Variants in NPAS3 observed in about 807,000 individuals in gnomAD.
NPAS3 encodes neuronal PAS domain-containing protein 3.
Under a neutral mutation model 73.1 loss-of-function variants are expected in NPAS3, and 14 were observed. The observed-to-expected ratio is 0.19, with a 90% CI of 0.13 to 0.30. The LOEUF (loss-of-function observed/expected upper bound fraction) is 0.30, where lower values mean the gene tolerates loss of function less well. Among genes scored for constraint, NPAS3 ranks in the 10% least tolerant of loss-of-function variants. The probability of loss-of-function intolerance (pLI) is 1.00; values close to 1 mark genes in which losing one functional copy is unlikely to be tolerated. For synonymous variants in NPAS3, 620 were observed against 541.5 expected (o/e 1.14, Z -2.01); for missense variants, 1,096 against 1,250.0 (o/e 0.88, Z 1.86).
intron 1 of NPAS3, among the ~76,000 whole-genome samples, chr14:32,943,169 C>T (rs1007389260): frequency 2.6e-5 from 4 of 151,498 alleles, no homozygotes; most frequent in African/African-American, 7.3e-5. Flanking sequence ...CAACATTATT[C>T]GATACTTTTT....
intron 7 of NPAS3, among the ~76,000 whole-genome samples, chr14:33,740,537 C>T (rs1183288780): frequency 3.9e-5 from 6 of 152,238 alleles, no homozygotes; most frequent in African/African-American, 7.2e-5. Context: ...CACTAGAGAT[C>T]CTGCTAGTTG....
At chr14:33,602,111 T>A (rs2057416273) in intron 5 of NPAS3, among the ~76,000 whole-genome samples, 1 of 152,064 alleles carries the variant, frequency 6.6e-6, no homozygotes, top group African/African-American at 2.4e-5. Context: ...TTAGCTAGAA[T>A]TCAAGGGGCA....
chr14:33,134,898 G>A (rs1405591087), intron 2 of NPAS3, among the ~76,000 whole-genome samples: 1 of 151,788 alleles, frequency 6.6e-6, no homozygotes, highest in Non-Finnish European at 1.5e-5. Flanking sequence ...TAAAGGAGAG[G>A]CATTCACAGG....
intron 4 of NPAS3, among the ~76,000 whole-genome samples, chr14:33,507,176 C>A (rs781611274): frequency 7.2e-5 from 11 of 151,912 alleles, no homozygotes; most frequent in Non-Finnish European, 1.3e-4. Flanking sequence ...AAGGATATTT[C>A]TGATATATTT....
chr14:33,034,367 T>C (rs2040093929), intron 1 of NPAS3, among the ~76,000 whole-genome samples: 1 of 151,816 alleles, frequency 6.6e-6, no homozygotes, highest in Non-Finnish European at 1.5e-5. Flanking sequence ...GTGATAAATA[T>C]TATTTATACT....
At chr14:33,092,417 T>C (rs1312910457) in intron 2 of NPAS3, among the ~76,000 whole-genome samples, 1 of 152,172 alleles carries the variant, frequency 6.6e-6, no homozygotes, top group East Asian at 1.9e-4. Context: ...ACAAGGGATG[T>C]GGAGGACCTC....
chr14:32,972,738 G>C (rs1256568553), intron 1 of NPAS3, among the ~76,000 whole-genome samples: 1 of 152,166 alleles, frequency 6.6e-6, no homozygotes, highest in Non-Finnish European at 1.5e-5. Context: ...ATATTTCTTT[G>C]TTGAACAAAA....
intron 5 of NPAS3, among the ~76,000 whole-genome samples, chr14:33,659,587 A>G (rs1406714094): frequency 2.6e-5 from 4 of 152,212 alleles, no homozygotes; most frequent in Non-Finnish European, 2.9e-5. Flanking sequence ...TTTCTAAATG[A>G]CACAATTAAA....
intron 4 of NPAS3, among the ~76,000 whole-genome samples, chr14:33,531,486 C>T (rs540417357): frequency 2.6e-5 from 4 of 152,198 alleles, no homozygotes; most frequent in Non-Finnish European, 4.4e-5. Context: ...TTTCACTCAG[C>T]GTAATGCACT....
chr14:33,206,392 C>G (rs2046823707), intron 2 of NPAS3, among the ~76,000 whole-genome samples: 1 of 152,108 alleles, frequency 6.6e-6, no homozygotes, highest in African/African-American at 2.4e-5. Flanking sequence ...GCTTTTAGCA[C>G]CTAAAGTCCA....
intron 3 of NPAS3, among the ~76,000 whole-genome samples, chr14:33,216,387 A>G (rs1489636995): frequency 1.3e-5 from 2 of 152,176 alleles, no homozygotes; most frequent in Non-Finnish European, 2.9e-5. Flanking sequence ...GGGAGCTGTA[A>G]TCTTTTGTAG....
chr14:33,348,619 G>T (rs932373473), intron 3 of NPAS3, among the ~76,000 whole-genome samples: 3 of 152,044 alleles, frequency 2.0e-5, no homozygotes, highest in African/African-American at 7.2e-5. Context: ...GTTTTTTAAA[G>T]ATCTTCTTGG....
intron 2 of NPAS3, among the ~76,000 whole-genome samples, chr14:33,148,301 C>A (rs1029189181): frequency 6.6e-6 from 1 of 152,102 alleles, no homozygotes; most frequent in African/African-American, 2.4e-5. Flanking sequence ...ACCCAAGGAA[C>A]AATGAGTATA....
chr14:33,221,228 A>G (rs1168902037), intron 3 of NPAS3, among the ~76,000 whole-genome samples: 1 of 152,168 alleles, frequency 6.6e-6, no homozygotes, highest in Non-Finnish European at 1.5e-5. Context: ...ATGTCTCTTA[A>G]TGGTGTGGCT....
At chr14:32,948,941 A>C (rs1446150182) in intron 1 of NPAS3, among the ~76,000 whole-genome samples, 2 of 152,050 alleles carry the variant, frequency 1.3e-5, no homozygotes, top group African/African-American at 2.4e-5. Context: ...TTAGACAATA[A>C]AATTATTGTG....
chr14:33,734,056 C>T (rs2061464139), intron 6 of NPAS3, among the ~76,000 whole-genome samples: 1 of 152,038 alleles, frequency 6.6e-6, no homozygotes, highest in Admixed American at 6.6e-5. Flanking sequence ...ACTTGTTTTG[C>T]CCATTTTTTT....
chr14:33,648,307 A>C (rs1430062982), intron 5 of NPAS3, among the ~76,000 whole-genome samples: 2 of 152,232 alleles, frequency 1.3e-5, no homozygotes, highest in African/African-American at 4.8e-5. Context: ...AGCTGACTTT[A>C]GGTCCATTGA....
intron 6 of NPAS3, among the ~76,000 whole-genome samples, chr14:33,734,284 C>A (rs964239745): frequency 9.9e-5 from 15 of 151,960 alleles, no homozygotes; most frequent in Non-Finnish European, 1.9e-4. Context: ...AAATTAATTT[C>A]TTTGCCAGAA....
chr14:33,801,538 T>C (rs1012240782), downstream of NPAS3: 2 of 168,510 alleles, frequency 1.2e-5, no homozygotes, highest in African/African-American at 4.8e-5. Context: ...ATGTGCCCTG[T>C]TTGACTAAGT....
Sources: gnomAD v4.1 joint callset for allele counts (sites outside exome capture counted in the v4.1 genomes callset) on GRCh38, gnomAD v4.1.1 for gene constraint, MANE v1.5 for transcripts, NCBI Gene and HGNC (gene_info 2026-07-23, HGNC 2026-07-21) for gene names.